The following PFN1 variants were observed in gnomAD, a reference collection of about 807,000 sequenced individuals.
PFN1 encodes the protein profilin 1, also known as profilin-1.
PFN1 carries 2 observed loss-of-function variants against 11.7 expected under a neutral mutation model. That is an observed-to-expected ratio of 0.17 (90% CI 0.07 to 0.54). The LOEUF (loss-of-function observed/expected upper bound fraction) is 0.54, where lower values mean the gene tolerates loss of function less well. Ranked by LOEUF, PFN1 falls within the 20% of genes least tolerant of loss-of-function variation. The pLI is 0.94. For missense variants in PFN1, 97 were observed against 188.4 expected (o/e 0.51, Z 2.84); for synonymous variants, 78 against 76.2 (o/e 1.02, Z -0.12).
At position 4,945,868 on chromosome 17, in the gene PFN1, G is replaced by C. The variant is rs763710875; in HGVS notation, c.*32C>G. The stretch of plus-strand genomic sequence containing the variant: ...GGGGAGGAAAGGGGTGCAAAGCTGT[G>C]GGGAGCGGTGAAGGGGAAGGGACAG... On this transcript the variant is annotated 3_prime_UTR_variant, in exon 3 of 3. Coordinates refer to ENST00000225655, the MANE Select transcript of PFN1 (RefSeq NM_005022.4). 8 of 1,345,232 alleles carry C rather than the reference G, an allele frequency of 5.9e-6. No individual in the cohort carries two copies. The South Asian group carries it at 8.2e-5, about 14-fold the overall frequency. The allele number at this position is 1,345,232 out of a possible 1,614,324, so 83.3% of individuals were successfully genotyped here.
rs1417569534 is a variant in PFN1 at position 4,948,314 on chromosome 17, G to A, written c.81C>T (p.Asp27=). 3 of 1,610,968 alleles carry A rather than the reference G, an allele frequency of 1.9e-6. No homozygotes were observed. Among genetic ancestry groups the A allele is most frequent in the Non-Finnish European group, 2.5e-6 (3 of 1,179,122 alleles). ...GGACGGCGGCCCAGACGGAGGGCGA[G>A]TCCTTGTAGCCCACGATGGCCGCGT... ...CQDAAIVGYK[D]SPSVWAAVPG... is the part of the protein sequence containing the mutation. The change falls in exon 1 of 3, where the codon GAC becomes GAT. Residue 27 remains aspartate, a synonymous_variant. Coordinates refer to ENST00000225655, the MANE Select transcript of PFN1 (RefSeq NM_005022.4).
chr17:4,947,638 C>T (rs1180068140), intron 1 of PFN1, among the ~76,000 whole-genome samples: 1 of 152,138 alleles, frequency 6.6e-6, no homozygotes, highest in East Asian at 1.9e-4. Flanking sequence ...AGTTCCCCTG[C>T]TCCAGGCCCC....
At chr17:4,946,280 G>C (rs1006949856) in intron 2 of PFN1, among the ~76,000 whole-genome samples, 2 of 152,216 alleles carry the variant, frequency 1.3e-5, no homozygotes, top group Non-Finnish European at 2.9e-5. Context: ...AAGGGCTGTG[G>C]ATGTGCATGC....
Position 4,945,842 on chromosome 17 carries a change from TG to T in PFN1, c.*57del, listed in dbSNP as rs894209727. 1.8e-5 allele frequency: 20 copies of T among 1,111,610 alleles called. No individual in the cohort carries two copies. The highest frequency in any genetic ancestry group is 2.8e-5 in the Non-Finnish European group (20 of 723,340). The allele number at this position is 1,111,610 out of a possible 1,614,324, so 68.9% of individuals were successfully genotyped here. On this transcript the variant is annotated 3_prime_UTR_variant, in exon 3 of 3. Transcript: ENST00000225655. ...AAAAATAAAATGGTTTGTGTGTGTATGGGGAGGAAAGGGGTGCAAAGCTGTG... is the reference window on the plus strand; with the variant it reads ...AAAAATAAAATGGTTTGTGTGTGTATGGGAGGAAAGGGGTGCAAAGCTGTG...
chr17:4,946,946 A>G lies in PFN1; in HGVS notation c.133-126T>C, dbSNP rs1380698579. On this transcript the variant is annotated intron_variant, in intron 1 of 2. Coordinates refer to ENST00000225655, the MANE Select transcript of PFN1 (RefSeq NM_005022.4). ...GCCGTGGGGGCTAAGTATAAATTATATACTCAGTACACATCAATGAACTGT... is the reference window on the plus strand; with the variant it reads ...GCCGTGGGGGCTAAGTATAAATTATGTACTCAGTACACATCAATGAACTGT... 7.0e-6 allele frequency: 5 copies of G among 711,668 alleles called. No homozygotes were observed. In the East Asian group the frequency reaches 8.0e-5, roughly 11 times the overall value. The allele number at this position is 711,668 out of a possible 1,614,324, so 44.1% of individuals were successfully genotyped here.
chr17:4,946,884 A>AC, intron 1 of PFN1, 64 bp from the exon 2 acceptor site: 1 of 1,469,944 alleles, frequency 6.8e-7, no homozygotes, highest in Non-Finnish European at 9.3e-7. Context: ...CGTGTTCTCC[A>AC]AAGACCCACC....
rs867698563 is a variant in PFN1, at chr17:4,948,445, G to T, written c.-51C>A. Reference sequence around the variant, plus strand: ...GCGCTGCTGCTGGGGCCGCGGACTGGGCTCGAGCTGCCTCGGCTGGCGGGC... The same window carrying T: ...GCGCTGCTGCTGGGGCCGCGGACTGTGCTCGAGCTGCCTCGGCTGGCGGGC... On this transcript the variant is annotated 5_prime_UTR_variant, in exon 1 of 3. Transcript: ENST00000225655. The T allele has an allele frequency of 1.8e-5, 27 of 1,531,560 alleles. No homozygotes were observed. In the Middle Eastern group the frequency reaches 4.1e-3, roughly 233 times the overall value. 94.9% of individuals were successfully genotyped at this position (1,531,560 alleles called of 1,614,324 possible).
chr17:4,947,360 G>A (rs1971421775), intron 1 of PFN1: 1 of 152,266 alleles, frequency 6.6e-6, no homozygotes, highest in Non-Finnish European at 1.5e-5. Flanking sequence ...GGCTTTCCGG[G>A]AAAGTTGGAA....
intron 2 of PFN1, among the ~76,000 whole-genome samples, 192 bp downstream of exon 2, chr17:4,946,436 A>C (rs1971396174): frequency 6.6e-6 from 1 of 152,232 alleles, no homozygotes; most frequent in Non-Finnish European, 1.5e-5. Flanking sequence ...AGCAACTTCG[A>C]ATTACAAGAT....
chr17:4,947,185 G>C (rs934852560), intron 1 of PFN1: 2 of 128,360 alleles, frequency 1.6e-5, no homozygotes, highest in African/African-American at 5.7e-5. Context: ...AAGCAGAAGC[G>C]GAGAGGGGAA....
chr17:4,948,101 G>A (rs1971446101), intron 1 of PFN1, 162 bp downstream of exon 1: 2 of 765,560 alleles, frequency 2.6e-6, no homozygotes, highest in East Asian at 3.3e-5. Flanking sequence ...ACGGGCAACT[G>A]AGGGACCCAC....
chr17:4,946,954 T>C (rs1264569205), intron 1 of PFN1, 134 bp from the exon 2 acceptor site: 3 of 627,524 alleles, frequency 4.8e-6, no homozygotes, highest in Non-Finnish European at 8.1e-6. Context: ...ATATACTCAG[T>C]ACACATCAAT....
chr17:4,946,321 C>T (rs1156347716), intron 2 of PFN1, among the ~76,000 whole-genome samples: 1 of 152,170 alleles, frequency 6.6e-6, no homozygotes, highest in East Asian at 1.9e-4. Flanking sequence ...AGAACTCAAA[C>T]GATGAACTCG....
rs1275689589 is a variant in PFN1 at position 4,948,501 on chromosome 17, T to A, written c.-107A>T. 1.4e-5 allele frequency: 18 copies of A among 1,288,166 alleles called. No homozygotes were observed. The South Asian group carries it at 2.6e-4, about 19-fold the overall frequency. 79.8% of individuals were successfully genotyped at this position (1,288,166 alleles called of 1,614,324 possible). A position where few individuals can be genotyped will look rare whatever the true frequency, so the allele number is the denominator to read the frequency against. ...GAGGCGGAGAGCTCGGGGCACGCGC[T>A]GCCGTCCGGACCGCGGCTCCGCTCG... On this transcript the variant is annotated 5_prime_UTR_variant, in exon 1 of 3. Coordinates refer to ENST00000225655, the MANE Select transcript of PFN1 (RefSeq NM_005022.4).
Position 4,945,951 on chromosome 17 carries a change from G to C in PFN1, c.372C>G (p.Ile124Met). 1 of 1,613,682 alleles carries C rather than the reference G, an allele frequency of 6.2e-7. No homozygotes were observed. Among genetic ancestry groups the C allele is most frequent in the South Asian group, 1.1e-5 (1 of 91,060 alleles). ...MGKEGVHGGLINKKCYEMASH... is the reference protein window; with the variant it reads ...MGKEGVHGGLMNKKCYEMASH... The stretch of plus-strand genomic sequence containing the variant: ...AGGCCATTTCATAACATTTCTTGTT[G>C]ATCAAACCACCGTGGACACCTTCTT... Residue 124 changes from isoleucine (I) to methionine (M), a missense_variant, in exon 3 of 3, where the codon ATC (isoleucine) becomes ATG (methionine). Physicochemically the swap from Ile to Met is conservative, Grantham distance 10. Transcript: ENST00000225655.
chr17:4,947,282 G>A (rs1002817546), intron 1 of PFN1: 1 of 152,526 alleles, frequency 6.6e-6, no homozygotes, highest in African/African-American at 2.4e-5. Context: ...CGGACGCCTG[G>A]GTCTCCAAGT....
chr17:4,947,674 G>C (rs1364387327), intron 1 of PFN1, among the ~76,000 whole-genome samples: 1 of 152,224 alleles, frequency 6.6e-6, no homozygotes, highest in Non-Finnish European at 1.5e-5. Context: ...GGGAGGGCGA[G>C]GGGACTTCCG....
In PFN1 at chr17:4,947,017, G is replaced by C. The variant is rs1859433; in HGVS notation, c.133-197C>G. The C allele has an allele frequency of 0.074, 35,157 of 476,804 alleles. 1,541 individuals are homozygous for C. Among genetic ancestry groups the C allele is most frequent in the Middle Eastern group, 0.13 (247 of 1,902 alleles). 29.5% of individuals were successfully genotyped at this position (476,804 alleles called of 1,614,324 possible). A position where few individuals can be genotyped will look rare whatever the true frequency, so the allele number is the denominator to read the frequency against. ...GGACGTTAGTGCAGAAAAAGATCATGATTCTGAAACTTAGAATATGGAACC... is the reference window on the plus strand; with the variant it reads ...GGACGTTAGTGCAGAAAAAGATCATCATTCTGAAACTTAGAATATGGAACC... On this transcript the variant is annotated intron_variant, in intron 1 of 2. Transcript: ENST00000225655.
intron 1 of PFN1, 89 bp downstream of exon 1, chr17:4,948,174 G>A (rs1019371522): frequency 1.4e-6 from 2 of 1,432,494 alleles, no homozygotes; most frequent in African/African-American, 1.5e-5. Flanking sequence ...CTCTCGCTGC[G>A]CGCCCTAGAC....
Sources: gnomAD v4.1 joint callset for allele counts (sites outside exome capture counted in the v4.1 genomes callset) on GRCh38, gnomAD v4.1.1 for gene constraint, MANE v1.5 for transcripts, NCBI Gene and HGNC (gene_info 2026-07-23, HGNC 2026-07-21) for gene names.